Variants in NUP160 observed in about 807,000 individuals in gnomAD.
NUP160 encodes the protein nuclear pore complex protein Nup160.
Under a neutral mutation model 196.9 loss-of-function variants are expected in NUP160, and 94 were observed. The observed-to-expected ratio is 0.48, with a 90% CI of 0.40 to 0.57. The LOEUF (loss-of-function observed/expected upper bound fraction) is 0.57, where lower values mean the gene tolerates loss of function less well. Ranked by LOEUF, NUP160 falls within the 20% of genes least tolerant of loss-of-function variation. NUP160 has a pLI of 0.00. For missense variants in NUP160, 1,638 were observed against 1,748.3 expected, an observed-to-expected ratio of 0.94 and a Z score of 1.13; for synonymous variants, 605 against 619.7, an observed-to-expected ratio of 0.98 and a Z score of 0.35.
At chr11:47,780,025 C>A (rs535457064) in intron 35 of NUP160, among the ~76,000 whole-genome samples, 1 of 152,192 alleles carries the variant, frequency 6.6e-6, no homozygotes, top group Non-Finnish European at 1.5e-5. Flanking sequence ...CCACTGCGCC[C>A]GGCCTATCAT....
At chr11:47,822,560 ATTTT>A (rs886533536) in intron 7 of NUP160, among the ~76,000 whole-genome samples, 1 of 148,810 alleles carries the variant, frequency 6.7e-6, no homozygotes, top group African/African-American at 2.5e-5. Context: ...CCGGCCAAAA[ATTTT>A]TTTTCTTTTC....
chr11:47,786,583 A>G, intron 31 of NUP160, 29 bp from the exon 32 acceptor site: 1 of 1,366,250 alleles, frequency 7.3e-7, no homozygotes. Context: ...CACACTTGAA[A>G]ACTGAACGCT....
intron 15 of NUP160, 116 bp downstream of exon 15, chr11:47,812,766 A>C: frequency 1.3e-6 from 1 of 745,832 alleles, no homozygotes; most frequent in Non-Finnish European, 2.1e-6. Flanking sequence ...ATGGCGCATC[A>C]GTTTGACTTT....
chr11:47,779,495 A>G (rs981370341), intron 35 of NUP160: 46 of 496,578 alleles, frequency 9.3e-5, no homozygotes, highest in Non-Finnish European at 1.1e-4. Flanking sequence ...GAAATGCTGC[A>G]TCTGATATAA....
At chr11:47,811,976 G>A (rs922926867) in intron 17 of NUP160, 88 bp downstream of exon 17, 3 of 1,177,132 alleles carry the variant, frequency 2.5e-6, no homozygotes, top group Non-Finnish European at 3.7e-6. Context: ...AAGTATCTGT[G>A]CTAGTAGGGC....
chr11:47,794,555 G>C (rs2097669759), intron 27 of NUP160, among the ~76,000 whole-genome samples: 1 of 152,092 alleles, frequency 6.6e-6, no homozygotes, highest in African/African-American at 2.4e-5. Flanking sequence ...GATCACCCAA[G>C]TCCAGAAATT....
intron 9 of NUP160, 155 bp downstream of exon 9, chr11:47,821,569 A>C (rs761356494): frequency 7.0e-6 from 4 of 573,316 alleles, no homozygotes; most frequent in Non-Finnish European, 3.1e-6. Flanking sequence ...TCTGTTGCCC[A>C]GCCTGGTCTC....
intron 2 of NUP160, among the ~76,000 whole-genome samples, chr11:47,846,942 T>C (rs142840482): frequency 6.6e-6 from 1 of 152,206 alleles, no homozygotes; most frequent in African/African-American, 2.4e-5. Context: ...TAGTGTTAAC[T>C]GTTCCCATCC....
intron 4 of NUP160, among the ~76,000 whole-genome samples, chr11:47,838,936 G>A (rs1444294531): frequency 6.6e-6 from 1 of 151,868 alleles, no homozygotes; most frequent in African/African-American, 2.4e-5. Context: ...CCCAGGAGGT[G>A]GAGATTGCAG....
chr11:47,788,108 G>C, intron 31 of NUP160, 74 bp downstream of exon 31: 1 of 1,280,892 alleles, frequency 7.8e-7, no homozygotes, highest in South Asian at 1.3e-5. Flanking sequence ...GGCTTATGAC[G>C]ACTGTTTCAC....
chr11:47,822,398 C>T (rs1851878471), intron 7 of NUP160, among the ~76,000 whole-genome samples: 1 of 151,972 alleles, frequency 6.6e-6, no homozygotes, highest in African/African-American at 2.4e-5. Flanking sequence ...GCTGGGATTA[C>T]AGGTGCCCGC....
chr11:47,842,879 T>C (rs1852332531), intron 2 of NUP160, among the ~76,000 whole-genome samples: 1 of 151,966 alleles, frequency 6.6e-6, no homozygotes, highest in South Asian at 2.1e-4. Flanking sequence ...TCTCAGCCAC[T>C]TGGGAGGCTG....
intron 13 of NUP160, among the ~76,000 whole-genome samples, chr11:47,814,852 AATG>A (rs1236091982): frequency 6.6e-6 from 1 of 152,342 alleles, no homozygotes; most frequent in East Asian, 1.9e-4. Flanking sequence ...GAAGTTAACA[AATG>A]ATGAATCCAG....
At chr11:47,834,911 T>G (rs72895722) in intron 7 of NUP160, among the ~76,000 whole-genome samples, 4 of 152,120 alleles carry the variant, frequency 2.6e-5, no homozygotes, top group Non-Finnish European at 4.4e-5. Flanking sequence ...GGAGGTCCAT[T>G]GCATGGGGGC....
intron 7 of NUP160, 97 bp from the exon 8 acceptor site, chr11:47,822,261 ATTTT>A: frequency 3.3e-6 from 2 of 615,314 alleles, no homozygotes; most frequent in Non-Finnish European, 5.2e-6. Context: ...TTAAAAAAAA[ATTTT>A]TTTTTTTTTG....
chr11:47,818,147 G>C, intron 10 of NUP160, 23 bp from the exon 11 acceptor site: 1 of 1,527,928 alleles, frequency 6.5e-7, no homozygotes, highest in African/African-American at 1.4e-5. Flanking sequence ...TAAAACAAAA[G>C]TTACTATTGT....
exon 17 of NUP160, chr11:47,812,143 T>G (rs760365269): frequency 6.2e-7 from 1 of 1,614,168 alleles, no homozygotes; most frequent in South Asian, 1.1e-5. Flanking sequence ...GGCGATTTTA[T>G]GCACCCCTCT....
At chr11:47,814,473 G>A (rs1028258595) in intron 13 of NUP160, among the ~76,000 whole-genome samples, 1 of 151,252 alleles carries the variant, frequency 6.6e-6, no homozygotes, top group African/African-American at 2.4e-5. Context: ...CTCAGTAGGC[G>A]GAGGTTGCAG....
At chr11:47,817,993 T>C (rs979568380) in intron 11 of NUP160, 63 bp downstream of exon 11, 3 of 946,540 alleles carry the variant, frequency 3.2e-6, no homozygotes, top group African/African-American at 3.3e-5. Context: ...AACTTAATAG[T>C]AATTATATAC....
Sources: gnomAD v4.1 joint callset for allele counts (sites outside exome capture counted in the v4.1 genomes callset) on GRCh38, gnomAD v4.1.1 for gene constraint, MANE v1.5 for transcripts, NCBI Gene and HGNC (gene_info 2026-07-23, HGNC 2026-07-21) for gene names.